PPP1R2: variants seen among roughly 807,000 people sequenced by gnomAD.
PPP1R2 encodes the protein protein phosphatase inhibitor 2.
Under a neutral mutation model 29.9 loss-of-function variants are expected in PPP1R2, and 16 were observed. That is an observed-to-expected ratio of 0.53 (90% CI 0.36 to 0.81). The LOEUF (loss-of-function observed/expected upper bound fraction) is 0.81, where lower values mean the gene tolerates loss of function less well. PPP1R2 is among the 30% of genes least tolerant of loss of function. PPP1R2 has a pLI of 0.00. For missense variants in PPP1R2, 197 were observed against 252.7 expected (o/e 0.78, Z 1.49); for synonymous variants, 76 against 91.5 (o/e 0.83, Z 0.96).
At chr3:195,536,120 A>G (rs915462173) in intron 1 of PPP1R2, among the ~76,000 whole-genome samples, 2 of 152,146 alleles carry the variant, frequency 1.3e-5, no homozygotes, top group African/African-American at 2.4e-5. Context: ...TCAATTGTTT[A>G]TATTACCTGT....
chr3:195,537,995 T>C (rs887930947), intron 1 of PPP1R2, among the ~76,000 whole-genome samples: 6 of 152,228 alleles, frequency 3.9e-5, no homozygotes, highest in Non-Finnish European at 8.8e-5. Context: ...AGTTGTGGAA[T>C]AGCAAAACCC....
intron 4 of PPP1R2, chr3:195,519,478 A>G (rs1175736730): frequency 3.5e-6 from 1 of 289,564 alleles, no homozygotes; most frequent in African/African-American, 2.2e-5. Flanking sequence ...TTATCCAGAA[A>G]GAGTTAAATG....
In PPP1R2 at chr3:195,526,102, A is replaced by ATTT. The variant is rs1577570941; in HGVS notation, c.231-1207_231-1206insAAA. Among the ~76,000 whole-genome samples, 385 of 56,524 alleles carry ATTT rather than the reference A, an allele frequency of 6.8e-3. 3 individuals carry two copies. Among genetic ancestry groups the ATTT allele is most frequent in the African/African-American group, 0.026 (343 of 12,956 alleles). 37.1% of individuals were successfully genotyped at this position (56,524 alleles called of 152,430 possible). A position where few individuals can be genotyped will look rare whatever the true frequency, so the allele number is the denominator to read the frequency against. ...ATAAAAAGCATCTTCACTTAAATAA[A>ATTT]ATTTTTTTTTTTTTTGAGACAGGGT... On this transcript the variant is annotated intron_variant, in intron 2 of 5. Transcript: ENST00000618156.
chr3:195,523,879 A>C lies in PPP1R2; in HGVS notation c.309-93T>G. ...CTGTTGATTCTTACAAAAACATCTGAAGATCATTAATGTGCTAGCTATAAC... is the reference window on the plus strand; with the variant it reads ...CTGTTGATTCTTACAAAAACATCTGCAGATCATTAATGTGCTAGCTATAAC... On this transcript the variant is annotated intron_variant, in intron 3 of 5. Transcript: ENST00000618156. The C allele has an allele frequency of 3.9e-6, 4 of 1,038,218 alleles. No individual in the cohort carries two copies. The South Asian group carries it at 5.4e-5, about 14-fold the overall frequency. 64.3% of individuals were successfully genotyped at this position (1,038,218 alleles called of 1,614,324 possible). A position where few individuals can be genotyped will look rare whatever the true frequency, so the allele number is the denominator to read the frequency against.
chr3:195,538,326 G>A (rs1719468683), intron 1 of PPP1R2, among the ~76,000 whole-genome samples: 1 of 152,138 alleles, frequency 6.6e-6, no homozygotes. Flanking sequence ...GTCTGGAATG[G>A]GAAGCAAGAT....
At position 195,515,092 on chromosome 3, in the gene PPP1R2, T is replaced by A. The variant is rs1718497288; in HGVS notation, c.*1804A>T. ...AAATCAGAGGGTGCATGAATATATG[T>A]GCACGCACATGTACAGACTTAATCT... is the stretch of plus-strand genomic sequence containing the variant. On this transcript the variant is annotated 3_prime_UTR_variant, in exon 6 of 6. Coordinates refer to ENST00000618156, the MANE Select transcript of PPP1R2 (RefSeq NM_006241.8). 1 of 287,322 alleles carries A rather than the reference T, an allele frequency of 3.5e-6. No homozygotes were observed. The allele number at this position is 287,322 out of a possible 1,614,324, so 17.8% of individuals were successfully genotyped here.
chr3:195,515,407 A>G lies in PPP1R2; in HGVS notation c.*1489T>C, dbSNP rs1158048551. The stretch of plus-strand genomic sequence containing the variant: ...CTGTTCAATAAAAGCCTTCTTTCAT[A>G]TATGTATCTATATATAAAATATACA... On this transcript the variant is annotated 3_prime_UTR_variant, in exon 6 of 6. Transcript: ENST00000618156. 3 of 152,730 alleles carry G rather than the reference A, an allele frequency of 2.0e-5. No homozygotes were observed. Among genetic ancestry groups the G allele is most frequent in the East Asian group, 3.8e-4 (2 of 5,200 alleles). The allele number at this position is 152,730 out of a possible 1,614,324, so 9.5% of individuals were successfully genotyped here.
intron 4 of PPP1R2, among the ~76,000 whole-genome samples, chr3:195,520,158 T>A (rs1718700200): frequency 6.6e-6 from 1 of 152,102 alleles, no homozygotes; most frequent in African/African-American, 2.4e-5. Flanking sequence ...CACAGGCATG[T>A]GCTACCACTC....
chr3:195,518,032 A>G (rs1433384629), intron 5 of PPP1R2, among the ~76,000 whole-genome samples: 3 of 152,212 alleles, frequency 2.0e-5, no homozygotes, highest in South Asian at 2.1e-4. Context: ...GGCACCACAA[A>G]TAACATCAGT....
At chr3:195,527,027 C>T (rs534447140) in intron 2 of PPP1R2, among the ~76,000 whole-genome samples, 2 of 152,048 alleles carry the variant, frequency 1.3e-5, no homozygotes, top group South Asian at 4.2e-4. Flanking sequence ...AGGTGATCCA[C>T]CCGCCTCAGG....
intron 4 of PPP1R2, among the ~76,000 whole-genome samples, chr3:195,521,164 A>G (rs955813308): frequency 6.6e-6 from 1 of 151,636 alleles, no homozygotes; most frequent in Non-Finnish European, 1.5e-5. Flanking sequence ...AAATACAAAA[A>G]ATTTGCTGGG....
chr3:195,522,599 T>C (rs1026438818), intron 4 of PPP1R2, among the ~76,000 whole-genome samples: 1 of 152,182 alleles, frequency 6.6e-6, no homozygotes, highest in African/African-American at 2.4e-5. Flanking sequence ...TTTTCAAGGA[T>C]CTTTTGGGGT....
At chr3:195,532,822 G>A (rs1719239312) in intron 1 of PPP1R2, among the ~76,000 whole-genome samples, 1 of 152,082 alleles carries the variant, frequency 6.6e-6, no homozygotes, top group Non-Finnish European at 1.5e-5. Context: ...TATGTCATAA[G>A]TGCATTATAC....
Position 195,529,774 on chromosome 3 carries a change from T to C in PPP1R2, c.230+20A>G. On this transcript the variant is annotated intron_variant, in intron 2 of 5. Transcript: ENST00000618156. ...AAATGGAAGTAAGTCACAAGAGGAATGACGTCTACGTAACATTACCTATGG... is the reference window on the plus strand; with the variant it reads ...AAATGGAAGTAAGTCACAAGAGGAACGACGTCTACGTAACATTACCTATGG... 1 of 1,483,128 alleles carries C rather than the reference T, an allele frequency of 6.7e-7. No individual in the cohort carries two copies. Among genetic ancestry groups the C allele is most frequent in the Non-Finnish European group, 9.2e-7 (1 of 1,088,906 alleles). 91.9% of individuals were successfully genotyped at this position (1,483,128 alleles called of 1,614,324 possible). A position where few individuals can be genotyped will look rare whatever the true frequency, so the allele number is the denominator to read the frequency against.
At position 195,523,770 on chromosome 3, in the gene PPP1R2, C is replaced by T; in HGVS notation, c.325G>A (p.Gly109Ser). 6.2e-7 allele frequency: 1 copy of T among 1,614,122 alleles called. No individual in the cohort carries two copies. The highest frequency in any genetic ancestry group is 1.7e-5 in the Admixed American group (1 of 60,024). Residue 109 changes from glycine to serine, a missense_variant, in exon 4 of 6, where the codon GGC becomes AGC. Gly to Ser is a moderately conservative substitution (Grantham distance 56). Around this residue, in one of 3 missense-constraint regions of PPP1R2, gnomAD observed 135 missense variants for 163.0 expected, o/e 0.83. Coordinates refer to ENST00000618156, the MANE Select transcript of PPP1R2 (RefSeq NM_006241.8). ...ILARKLAAAE[G>S]LEPKYRIQEQ... ...TGAATCCGATACTTTGGCTCCAAGC[C>T]TTCAGCTGCAGCTAATCTATGCAAC...
chr3:195,542,836 T>TG, intron 1 of PPP1R2, 68 bp downstream of exon 1: 1 of 1,489,998 alleles, frequency 6.7e-7, no homozygotes, highest in Non-Finnish European at 9.0e-7. Flanking sequence ...CGCCCGCCCC[T>TG]GGGGTCTGGG....
chr3:195,521,314 CAAAAAAAA>C (rs869228346), intron 4 of PPP1R2, among the ~76,000 whole-genome samples: 1 of 56,676 alleles, frequency 1.8e-5, no homozygotes. Context: ...GACTCTGTCT[CAAAAAAAA>C]AAAAAAAAAA....
intron 1 of PPP1R2, among the ~76,000 whole-genome samples, chr3:195,535,104 G>A (rs188631219): frequency 6.6e-5 from 10 of 152,284 alleles, no homozygotes; most frequent in East Asian, 5.8e-4. Context: ...CAACTTTTGC[G>A]TGGTGTGGGG....
chr3:195,532,562 C>A (rs1367929871), intron 1 of PPP1R2, among the ~76,000 whole-genome samples: 1 of 152,004 alleles, frequency 6.6e-6, no homozygotes, highest in Non-Finnish European at 1.5e-5. Flanking sequence ...CAAATTTAAC[C>A]GGGAGACAGA....
Sources: allele counts gnomAD v4.1 joint callset (sites outside exome capture counted in the v4.1 genomes callset), GRCh38; gene constraint gnomAD v4.1.1; regional missense constraint gnomAD v4.1.1; transcripts MANE v1.5; gene names NCBI Gene and HGNC (gene_info 2026-07-23, HGNC 2026-07-21).